The following MED12L variants were observed in gnomAD, a reference collection of about 807,000 sequenced individuals.
MED12L encodes mediator complex subunit 12L.
In MED12L, 60 loss-of-function variants were observed where a neutral mutation model predicts 281.3. That is an observed-to-expected ratio of 0.21 (90% CI 0.17 to 0.26). MED12L has a LOEUF of 0.26. Ranked by LOEUF, MED12L falls within the 10% of genes least tolerant of loss-of-function variation. The pLI, the probability that MED12L is intolerant of heterozygous loss-of-function variation, is 1.00. For synonymous variants in MED12L, 974 were observed against 987.2 expected, an observed-to-expected ratio of 0.99 and a Z score of 0.25; for missense variants, 2,146 against 2,680.9, an observed-to-expected ratio of 0.80 and a Z score of 4.41.
At chr3:151,106,259 TTTTCCC>T (rs1229988722) in intron 2 of MED12L, among the ~76,000 whole-genome samples, 178 of 141,058 alleles carry the variant, frequency 1.3e-3, no homozygotes, top group Admixed American at 1.3e-3. Context: ...TTCCTTTTCC[TTTTCCC>T]TTTCCCTTTC....
At chr3:151,186,717 A>G (rs924037421) in intron 12 of MED12L, among the ~76,000 whole-genome samples, 1 of 152,140 alleles carries the variant, frequency 6.6e-6, no homozygotes, top group Non-Finnish European at 1.5e-5. Context: ...GATCAAAGTT[A>G]ACAGCGTTCT....
At chr3:151,224,898 C>G (rs1019916430) in intron 16 of MED12L, among the ~76,000 whole-genome samples, 1 of 152,120 alleles carries the variant, frequency 6.6e-6, no homozygotes, top group African/African-American at 2.4e-5. Context: ...CTTCCTTTGC[C>G]AAGGCCGTTT....
At chr3:151,237,643 G>T (rs375876932) in intron 16 of MED12L, among the ~76,000 whole-genome samples, 5 of 152,038 alleles carry the variant, frequency 3.3e-5, no homozygotes, top group African/African-American at 1.2e-4. Context: ...GAGCCACTGC[G>T]CCCAGCCGCC....
intron 11 of MED12L, among the ~76,000 whole-genome samples, chr3:151,181,357 AT>A: frequency 6.6e-6 from 1 of 152,108 alleles, no homozygotes; most frequent in African/African-American, 2.4e-5. Context: ...GGTAGTTGTA[AT>A]TTCAGCTCAT....
intron 16 of MED12L, among the ~76,000 whole-genome samples, chr3:151,336,194 T>C (rs1315119614): frequency 6.6e-6 from 1 of 152,214 alleles, no homozygotes; most frequent in African/African-American, 2.4e-5. Context: ...ATGCATATGA[T>C]TTTAGAGTGA....
chr3:151,109,895 C>A (rs1184219112), intron 2 of MED12L, among the ~76,000 whole-genome samples: 2 of 152,160 alleles, frequency 1.3e-5, no homozygotes, highest in Non-Finnish European at 2.9e-5. Context: ...CAGAGCACGA[C>A]CCTGGGAACA....
intron 2 of MED12L, among the ~76,000 whole-genome samples, chr3:151,109,061 A>AT (rs11370443): frequency 0.21 from 31,250 of 146,628 alleles, 3,694 homozygotes; most frequent in African/African-American, 0.34. Context: ...GAAGGTCTGA[A>AT]TTTTTTTTTT....
chr3:151,141,579 G>T (rs748058980), intron 5 of MED12L, among the ~76,000 whole-genome samples: 4 of 152,058 alleles, frequency 2.6e-5, no homozygotes, highest in Non-Finnish European at 5.9e-5. Context: ...ATAATGGATC[G>T]ACTGGAAAAA....
rs928975145 is a variant in MED12L at position 151,394,770 on chromosome 3, C to G, written c.5723C>G (p.Ala1908Gly). The change falls in exon 39 of 45, where the codon GCA becomes GGA. Residue 1908 changes from alanine (A) to glycine (G), a missense_variant. Physicochemically the swap from Ala to Gly is moderately conservative, Grantham distance 60. This residue lies in a region of MED12L where 496 missense variants were observed against 512.0 expected (regional missense o/e 0.97). Transcript: ENST00000687756. ...ATGATGCAGCCGCCTTCTCTTCATGCAATCACATCGCAGCAGCAGTTGATA... is the reference window on the plus strand; with the variant it reads ...ATGATGCAGCCGCCTTCTCTTCATGGAATCACATCGCAGCAGCAGTTGATA... ...GAMMQPPSLH[A>G]ITSQQQLIQM... is the part of the protein sequence containing the mutation. 6.2e-7 allele frequency: 1 copy of G among 1,614,108 alleles called. No homozygotes were observed. The highest frequency in any genetic ancestry group is 1.3e-5 in the African/African-American group (1 of 74,944).
chr3:151,347,261 C>T (rs1752656969), intron 16 of MED12L, among the ~76,000 whole-genome samples: 1 of 152,172 alleles, frequency 6.6e-6, no homozygotes, highest in Non-Finnish European at 1.5e-5. Flanking sequence ...TTCACCTCTG[C>T]CCTATTCCTT....
At chr3:151,319,121 G>A (rs764802154) in intron 16 of MED12L, among the ~76,000 whole-genome samples, 1 of 152,068 alleles carries the variant, frequency 6.6e-6, no homozygotes, top group Non-Finnish European at 1.5e-5. Flanking sequence ...TCTCAAGTTG[G>A]GACTTGTGAA....
At chr3:151,308,214 T>A (rs1314897387) in intron 16 of MED12L, among the ~76,000 whole-genome samples, 5 of 152,136 alleles carry the variant, frequency 3.3e-5, no homozygotes, top group Admixed American at 1.3e-4. Flanking sequence ...ACTTTTTAAC[T>A]CAGTAAGTTG....
chr3:151,236,632 T>C (rs1347385906), intron 16 of MED12L, among the ~76,000 whole-genome samples: 1 of 152,238 alleles, frequency 6.6e-6, no homozygotes, highest in Non-Finnish European at 1.5e-5. Flanking sequence ...CTTTCACTTT[T>C]CCTGTTTTAC....
At chr3:151,122,701 CAATA>C in intron 3 of MED12L, 78 bp from the exon 4 acceptor site, 2 of 971,984 alleles carry the variant, frequency 2.1e-6, no homozygotes, top group Non-Finnish European at 2.9e-6. Context: ...TCAATTGAAA[CAATA>C]AAGAAAAATA....
intron 38 of MED12L, among the ~76,000 whole-genome samples, chr3:151,394,378 T>TTA (rs1714681956): frequency 6.6e-6 from 1 of 152,230 alleles, no homozygotes; most frequent in Non-Finnish European, 1.5e-5. Context: ...AATTATGAAA[T>TTA]TATGCCAACA....
chr3:151,368,624 TATTTTATTTCATTTC>T (rs1337258461), intron 25 of MED12L, among the ~76,000 whole-genome samples: 1,361 of 85,308 alleles, frequency 0.016, 14 homozygotes, highest in African/African-American at 0.031. Flanking sequence ...TATTTTATTT[TATTTTATTTCATTTC>T]ATTTCATTTC....
At chr3:151,246,385 A>G (rs969119717) in intron 16 of MED12L, among the ~76,000 whole-genome samples, 41 of 152,200 alleles carry the variant, frequency 2.7e-4, no homozygotes, top group Middle Eastern at 3.4e-3. Context: ...ACAAGGCTAC[A>G]GTAACCAAAA....
chr3:151,117,507 C>T (rs1713013883), intron 3 of MED12L, among the ~76,000 whole-genome samples: 1 of 152,152 alleles, frequency 6.6e-6, no homozygotes, highest in African/African-American at 2.4e-5. Context: ...GGTATTTCCC[C>T]TGCTTTTTCG....
At chr3:151,130,848 TTTTTATTAA>T (rs1368002159) in intron 5 of MED12L, among the ~76,000 whole-genome samples, 2 of 152,250 alleles carry the variant, frequency 1.3e-5, no homozygotes, top group Non-Finnish European at 2.9e-5. Context: ...GATGTTATAT[TTTTTATTAA>T]TTTTTGATCA....
Sources: gnomAD v4.1 joint callset for allele counts (sites outside exome capture counted in the v4.1 genomes callset) on GRCh38, gnomAD v4.1.1 for gene constraint, gnomAD v4.1.1 regional missense constraint, MANE v1.5 for transcripts, NCBI Gene and HGNC (gene_info 2026-07-23, HGNC 2026-07-21) for gene names.